The following NLGN4X variants were observed in gnomAD, a reference collection of about 807,000 sequenced individuals.
The protein encoded by NLGN4X is neuroligin-4, X-linked.
In NLGN4X, 3 loss-of-function variants were observed where a neutral mutation model predicts 40.3. That is an observed-to-expected ratio of 0.07 (90% CI 0.03 to 0.19). The LOEUF is 0.19. Ranked by LOEUF, NLGN4X falls within the 10% of genes least tolerant of loss-of-function variation. The pLI is 1.00. For missense variants in NLGN4X, 382 were observed against 708.3 expected, an observed-to-expected ratio of 0.54 and a Z score of 5.23; for synonymous variants, 270 against 306.8, an observed-to-expected ratio of 0.88 and a Z score of 1.25.
At chrX:6,085,060 C>T (rs991940178) in intron 2 of NLGN4X, among the ~76,000 whole-genome samples, 2 of 108,874 alleles carry the variant, frequency 1.8e-5, no homozygotes, top group African/African-American at 6.7e-5. Context: ...AAATTGATAT[C>T]TGGATGCACC....
At chrX:5,915,823 G>T (rs2032765036) in intron 3 of NLGN4X, among the ~76,000 whole-genome samples, 1 of 112,149 alleles carries the variant, frequency 8.9e-6, no homozygotes, top group African/African-American at 3.2e-5. Context: ...TTACAGGTGT[G>T]AACCACCATG....
chrX:6,146,969 T>G (rs1171871034), intron 2 of NLGN4X, among the ~76,000 whole-genome samples: 1 of 110,780 alleles, frequency 9.0e-6, no homozygotes, highest in Non-Finnish European at 1.9e-5. Flanking sequence ...TTTTTGTATT[T>G]GTAGTAAAGA....
chrX:6,061,027 T>A, intron 2 of NLGN4X, among the ~76,000 whole-genome samples: 1 of 112,302 alleles, frequency 8.9e-6, no homozygotes, highest in Non-Finnish European at 1.9e-5. Context: ...TATAGCTAAT[T>A]GACTTGCTTT....
Position 5,903,299 on chromosome X carries a change from TGCA to T in NLGN4X, c.1376_1378del (p.Leu459del), listed in dbSNP as rs2031987838. On this transcript the variant is annotated inframe_deletion, in exon 5 of 6. Transcript: ENST00000381095. ...GTAGGTGGGGGAGCCGTACTGCGCG[TGCA>T]GGTCGGCGGTGGCCACGGCGGGGGC... The T allele has an allele frequency of 8.3e-7, 1 of 1,209,793 alleles. No homozygotes were observed. The highest frequency in any genetic ancestry group is 1.1e-6 in the Non-Finnish European group (1 of 895,048).
intron 3 of NLGN4X, among the ~76,000 whole-genome samples, chrX:5,952,828 G>A (rs898500941): frequency 4.5e-5 from 5 of 110,515 alleles, no homozygotes; most frequent in Non-Finnish European, 5.7e-5. Context: ...TGCATGCCCC[G>A]CAGTAAAATT....
intron 1 of NLGN4X, among the ~76,000 whole-genome samples, chrX:6,157,166 G>A (rs1702061157): frequency 9.1e-6 from 1 of 110,087 alleles, no homozygotes; most frequent in Admixed American, 9.7e-5. Flanking sequence ...AGATGATCTT[G>A]CACCATATGG....
intron 2 of NLGN4X, among the ~76,000 whole-genome samples, chrX:6,066,885 A>T (rs998162955): frequency 1.8e-5 from 2 of 112,320 alleles, no homozygotes. Context: ...AGGCAGGAGG[A>T]TCACTTGAGC....
At chrX:5,908,420 C>A (rs2032317116) in intron 4 of NLGN4X, among the ~76,000 whole-genome samples, 1 of 111,505 alleles carries the variant, frequency 9.0e-6, no homozygotes, top group Non-Finnish European at 1.9e-5. Context: ...AATCTATACA[C>A]CCGCATCCCT....
chrX:6,095,530 G>T (rs1421596247), intron 2 of NLGN4X, among the ~76,000 whole-genome samples: 1 of 112,261 alleles, frequency 8.9e-6, no homozygotes, highest in Non-Finnish European at 1.9e-5. Context: ...TACCTTTTAT[G>T]ATTTTATTAC....
At chrX:6,122,893 T>A (rs1312831404) in intron 2 of NLGN4X, among the ~76,000 whole-genome samples, 1 of 106,617 alleles carries the variant, frequency 9.4e-6, no homozygotes, top group African/African-American at 3.4e-5. Flanking sequence ...ACAATGCACA[T>A]AGGAGCCAAA....
At chrX:5,925,903 T>TAC (rs2033287244) in intron 3 of NLGN4X, among the ~76,000 whole-genome samples, 1 of 39,016 alleles carries the variant, frequency 2.6e-5, no homozygotes. Flanking sequence ...TATATATATA[T>TAC]ATATATATAT....
Position 5,891,704 on chromosome X carries a change from T to C in NLGN4X, c.*1113A>G, listed in dbSNP as rs1017204573. On this transcript the variant is annotated 3_prime_UTR_variant, in exon 6 of 6. Transcript: ENST00000381095. ...GACTTGTATTTTTGTTTCTCCCTACTGATTCTTTGTGTGTGCATGTCTCTA... is the reference window on the plus strand; with the variant it reads ...GACTTGTATTTTTGTTTCTCCCTACCGATTCTTTGTGTGTGCATGTCTCTA... The C allele has an allele frequency of 5.3e-6, 1 of 187,126 alleles. No homozygotes were observed. Among genetic ancestry groups the C allele is most frequent in the Admixed American group, 6.8e-5 (1 of 14,724 alleles). 15.4% of individuals were successfully genotyped at this position (187,126 alleles called of 1,213,427 possible). A position where few individuals can be genotyped will look rare whatever the true frequency, so the allele number is the denominator to read the frequency against.
chrX:6,194,890 C>T, intron 1 of NLGN4X, among the ~76,000 whole-genome samples: 1 of 111,878 alleles, frequency 8.9e-6, no homozygotes, highest in South Asian at 3.8e-4. Context: ...GGAGTAAGAC[C>T]TATCTTGACT....
chrX:5,899,690 CTTT>C (rs72374207), intron 5 of NLGN4X, among the ~76,000 whole-genome samples: 69 of 95,948 alleles, frequency 7.2e-4, no homozygotes, highest in Middle Eastern at 5.4e-3. Context: ...GTCTTTTTTC[CTTT>C]TTTTTTTTTT....
intron 3 of NLGN4X, among the ~76,000 whole-genome samples, chrX:5,988,356 C>T (rs1324392083): frequency 8.9e-6 from 1 of 112,163 alleles, no homozygotes; most frequent in Non-Finnish European, 1.9e-5. Context: ...TAAGTGTCTA[C>T]ACCAATTGCT....
At chrX:6,110,033 C>G (rs923328834) in intron 2 of NLGN4X, among the ~76,000 whole-genome samples, 1 of 111,223 alleles carries the variant, frequency 9.0e-6, no homozygotes, top group African/African-American at 3.3e-5. Flanking sequence ...AAAGGAAAAT[C>G]ACAGGTTTCA....
At chrX:6,157,341 T>C (rs1048292363) in intron 1 of NLGN4X, among the ~76,000 whole-genome samples, 1 of 111,678 alleles carries the variant, frequency 9.0e-6, no homozygotes, top group Non-Finnish European at 1.9e-5. Flanking sequence ...TAATGGCTTA[T>C]ATGTTGCCCA....
At chrX:6,208,415 C>G (rs924609717) in intron 1 of NLGN4X, among the ~76,000 whole-genome samples, 2 of 112,310 alleles carry the variant, frequency 1.8e-5, no homozygotes, top group Admixed American at 1.9e-4. Context: ...GTTATATTAA[C>G]TGTCCCCAAA....
At chrX:6,206,331 T>C (rs868521577) in intron 1 of NLGN4X, among the ~76,000 whole-genome samples, 16 of 112,189 alleles carry the variant, frequency 1.4e-4, no homozygotes, top group Admixed American at 6.6e-4. Flanking sequence ...GTTCATTAAT[T>C]TGATTGTGAT....
Sources: gnomAD v4.1 joint callset for allele counts (sites outside exome capture counted in the v4.1 genomes callset) on GRCh38, gnomAD v4.1.1 for gene constraint, MANE v1.5 for transcripts, NCBI Gene and HGNC (gene_info 2026-07-23, HGNC 2026-07-21) for gene names.